The following PHLDB3 variants were observed in gnomAD, a reference collection of about 807,000 sequenced individuals.
PHLDB3 encodes pleckstrin homology like domain family B member 3, also known as pleckstrin homology-like domain family B member 3.
In PHLDB3, 86 loss-of-function variants were observed where a neutral mutation model predicts 85.7. The observed-to-expected ratio is 1.00, with a 90% confidence interval of 0.84 to 1.20. PHLDB3 has a LOEUF of 1.20. Ranked by LOEUF, PHLDB3 falls within the 50% of genes most tolerant of loss-of-function variation. The probability of loss-of-function intolerance (pLI) is 0.00; values close to 1 mark genes in which losing one functional copy is unlikely to be tolerated. For missense variants in PHLDB3, 995 were observed against 873.0 expected, an observed-to-expected ratio of 1.14 and a Z score of -1.76; for synonymous variants, 376 against 349.8, an observed-to-expected ratio of 1.07 and a Z score of -0.83.
At chr19:43,502,350 T>G (rs1971629199) in intron 2 of PHLDB3, 67 bp from the exon 3 acceptor site, 90 of 1,456,778 alleles carry the variant, frequency 6.2e-5, no homozygotes, top group Non-Finnish European at 8.3e-5. Context: ...GTAGGTCTGG[T>G]CCCCACCCAA....
rs563015561 is a variant in PHLDB3 at position 43,497,792 on chromosome 19, G to C, written c.619C>G (p.Gln207Glu). ...AGCCGCTCGCGTTGGTCCTCTGGCT[G>C]TGAGTCGAGCTGTCCCTGGGCCTTG... ...LRKAQGQLDS[Q>E]PEDQRERLLQ... Residue 207 changes from glutamine (Q) to glutamate (E), a missense_variant, in exon 5 of 16, where the codon CAG becomes GAG. Physicochemically the swap from Gln to Glu is conservative, Grantham distance 29. Transcript: ENST00000292140. 3 of 1,556,494 alleles carry C rather than the reference G, an allele frequency of 1.9e-6. No homozygotes were observed. In the African/African-American group the frequency reaches 4.1e-5, roughly 21 times the overall value.
rs754173693 is a variant in PHLDB3, at chr19:43,494,659, A to G, written c.1149+43T>C. The G allele has an allele frequency of 3.4e-6, 5 of 1,476,714 alleles. No individual in the cohort carries two copies. In the East Asian group the frequency reaches 9.4e-5, roughly 28 times the overall value. 91.5% of individuals were successfully genotyped at this position (1,476,714 alleles called of 1,614,324 possible). Reference sequence around the variant, plus strand: ...GCTGTTAGCCCCTCCCTCCTCACTGACCAATAAGATATATGGGGAAACAGA... The same window carrying G: ...GCTGTTAGCCCCTCCCTCCTCACTGGCCAATAAGATATATGGGGAAACAGA... On this transcript the variant is annotated intron_variant, in intron 9 of 15. Transcript: ENST00000292140.
At chr19:43,486,723 G>A (rs370269365) in intron 11 of PHLDB3, 27 bp from the exon 12 acceptor site, 26 of 1,613,296 alleles carry the variant, frequency 1.6e-5, no homozygotes, top group Non-Finnish European at 2.1e-5. Context: ...CAGACGGGGT[G>A]GGTTACAGTG....
chr19:43,488,328 G>A (rs922180408), intron 9 of PHLDB3, among the ~76,000 whole-genome samples: 14 of 151,982 alleles, frequency 9.2e-5, no homozygotes, highest in South Asian at 4.1e-4. Context: ...ATAGTGGCAC[G>A]TGCCTGCAGT....
At position 43,497,799 on chromosome 19, in the gene PHLDB3, G is replaced by C; in HGVS notation, c.612C>G (p.Leu204=). ...RQRLRKAQGQ[L]DSQPEDQRER... ...CGCGTTGGTCCTCTGGCTGTGAGTCGAGCTGTCCCTGGGCCTTGCGGAGTC... is the reference window on the plus strand; with the variant it reads ...CGCGTTGGTCCTCTGGCTGTGAGTCCAGCTGTCCCTGGGCCTTGCGGAGTC... Residue 204 remains leucine (L), a synonymous_variant, in exon 5 of 16, where the codon CTC becomes CTG. Coordinates refer to ENST00000292140, the MANE Select transcript of PHLDB3 (RefSeq NM_198850.4). 1 of 1,558,584 alleles carries C rather than the reference G, an allele frequency of 6.4e-7. No individual in the cohort carries two copies. The highest frequency in any genetic ancestry group is 8.7e-7 in the Non-Finnish European group (1 of 1,151,158).
Position 43,483,163 on chromosome 19 carries a change from C to T in PHLDB3, c.1485+3103G>A, listed in dbSNP as rs534547410. ...TGTGCTTATTTATGAGACAAATTCACAAAATATGGCTTGACTGGTGCATGT... is the reference window on the plus strand; with the variant it reads ...TGTGCTTATTTATGAGACAAATTCATAAAATATGGCTTGACTGGTGCATGT... On this transcript the variant is annotated intron_variant, in intron 13 of 15. Transcript: ENST00000292140. Among the ~76,000 whole-genome samples the T allele has an allele frequency of 2.0e-5, 3 of 152,194 alleles. 1 individual carries two copies. The South Asian group carries it at 6.2e-4, about 32-fold the overall frequency.
chr19:43,501,845 C>G lies in PHLDB3; in HGVS notation c.423G>C (p.Arg141=). ...CCACTCGCTCCCCAGCCAGCTCACC[C>G]CGCAGCAAGGCCACCTCCACCTCCA... ...IEMEVEVALL[R]GELAGERVAA... The change falls in exon 4 of 16, where the codon CGG becomes CGC. Residue 141 remains arginine, a synonymous_variant. Transcript: ENST00000292140. The G allele has an allele frequency of 6.3e-7, 1 of 1,592,406 alleles. No homozygotes were observed. The highest frequency in any genetic ancestry group is 8.5e-7 in the Non-Finnish European group (1 of 1,170,048).
chr19:43,497,784 C>T lies in PHLDB3; in HGVS notation c.627G>A (p.Glu209=). The T allele has an allele frequency of 6.4e-7, 1 of 1,555,170 alleles. No homozygotes were observed. Among genetic ancestry groups the T allele is most frequent in the South Asian group, 1.2e-5 (1 of 84,288 alleles). Residue 209 remains glutamate, a synonymous_variant, in exon 5 of 16, where the codon GAG becomes GAA. Coordinates refer to ENST00000292140, the MANE Select transcript of PHLDB3 (RefSeq NM_198850.4). The part of the protein sequence containing the change: ...KAQGQLDSQP[E]DQRERLLQGV... ...CCTGCAGAAGCCGCTCGCGTTGGTCCTCTGGCTGTGAGTCGAGCTGTCCCT... is the reference window on the plus strand; with the variant it reads ...CCTGCAGAAGCCGCTCGCGTTGGTCTTCTGGCTGTGAGTCGAGCTGTCCCT...
At chr19:43,504,372 C>G (rs1478325054) in intron 1 of PHLDB3, 5 of 568,518 alleles carry the variant, frequency 8.8e-6, no homozygotes, top group Non-Finnish European at 1.5e-5. Flanking sequence ...TAGCACGCCC[C>G]CTACTGACCT....
At chr19:43,501,968 A>C in intron 3 of PHLDB3, 97 bp from the exon 4 acceptor site, 1 of 1,485,172 alleles carries the variant, frequency 6.7e-7, no homozygotes, top group East Asian at 2.5e-5. Context: ...GATGGACTCC[A>C]GGGACCTGAA....
At chr19:43,501,410 C>G in intron 4 of PHLDB3, 2 of 341,668 alleles carry the variant, frequency 5.9e-6, no homozygotes, top group Non-Finnish European at 1.1e-5. Flanking sequence ...GTCTCAAACT[C>G]CTGAGCTCAG....
chr19:43,495,563 C>G lies in PHLDB3; in HGVS notation c.883G>C (p.Glu295Gln). 6.2e-7 allele frequency: 1 copy of G among 1,610,224 alleles called. No homozygotes were observed. The highest frequency in any genetic ancestry group is 8.5e-7 in the Non-Finnish European group (1 of 1,178,388). ...VLEEQLKSLGEQMAAESRGLS... is the reference protein window; with the variant it reads ...VLEEQLKSLGQQMAAESRGLS... ...CCCCGGCTCTCGGCTGCCATCTGCT[C>G]CCCCAGTGACTTGAGCTGCTCTTCC... The change falls in exon 7 of 16, where the codon GAG becomes CAG. Residue 295 changes from glutamate (E) to glutamine (Q), a missense_variant. By Grantham distance (29) the Glu-to-Gln change is conservative. Coordinates refer to ENST00000292140, the MANE Select transcript of PHLDB3 (RefSeq NM_198850.4).
chr19:43,481,215 C>G (rs1971038806), intron 13 of PHLDB3, among the ~76,000 whole-genome samples: 1 of 152,126 alleles, frequency 6.6e-6, no homozygotes, highest in Admixed American at 6.5e-5. Context: ...GGTGCGGTGG[C>G]TCACACGTGT....
rs756497243 is a variant in PHLDB3, at chr19:43,503,943, ACTT to A, written c.173_175del (p.Glu58del). On this transcript the variant is annotated inframe_deletion, in exon 2 of 16. Coordinates refer to ENST00000292140, the MANE Select transcript of PHLDB3 (RefSeq NM_198850.4). ...GCTCTCAGTGCTGCTGCCTTCTCCC[ACTT>A]CTTCTTCCTCTGCCTGCTGCTCAGC... 271 of 1,613,112 alleles carry A rather than the reference ACTT, an allele frequency of 1.7e-4. 1 individual carries two copies. Among genetic ancestry groups the A allele is most frequent in the South Asian group, 6.7e-4 (61 of 91,044 alleles).
Position 43,502,126 on chromosome 19 carries a change from C to T in PHLDB3, c.371G>A (p.Arg124His), listed in dbSNP as rs751407231. The T allele has an allele frequency of 1.9e-6, 3 of 1,578,040 alleles. No homozygotes were observed. The highest frequency in any genetic ancestry group is 2.6e-6 in the Non-Finnish European group (3 of 1,162,618). Residue 124 changes from arginine (R) to histidine (H), a missense_variant, in exon 3 of 16, where the codon CGC (arginine) becomes CAC (histidine). Physicochemically the swap from Arg to His is conservative, Grantham distance 29. Transcript: ENST00000292140. ...CTCGATCCTCAGCTCCTTCCTCTGG[C>T]GCTGTAGCTCCTTCACTCGCTGCTC... ...LMEQRVKELQ[R>H]QRKELRIEME...
chr19:43,491,184 C>T (rs1047765732), intron 9 of PHLDB3, among the ~76,000 whole-genome samples: 34 of 152,308 alleles, frequency 2.2e-4, no homozygotes, highest in African/African-American at 7.2e-4. Flanking sequence ...TCCTAAGTCA[C>T]GTTGCCTGGC....
At position 43,475,271 on chromosome 19, in the gene PHLDB3, T is replaced by C. The variant is rs1970897992; in HGVS notation, c.*139A>G. The stretch of plus-strand genomic sequence containing the variant: ...ACGCAGCAGCTCAGGCCAGCTGAAC[T>C]GCCGCGCCTGCGGAATTCCCGGGAG... On this transcript the variant is annotated 3_prime_UTR_variant, in exon 16 of 16. Coordinates refer to ENST00000292140, the MANE Select transcript of PHLDB3 (RefSeq NM_198850.4). The C allele has an allele frequency of 4.0e-6, 5 of 1,238,416 alleles. No homozygotes were observed. Among genetic ancestry groups the C allele is most frequent in the Admixed American group, 5.6e-5 (2 of 36,028 alleles). 76.7% of individuals were successfully genotyped at this position (1,238,416 alleles called of 1,614,324 possible).
At position 43,504,087 on chromosome 19, in the gene PHLDB3, G is replaced by A. The variant is rs1971689998; in HGVS notation, c.32C>T (p.Thr11Ile). The change falls in exon 2 of 16, where the codon ACC becomes ATC. Residue 11 changes from threonine (T) to isoleucine (I), a missense_variant. Transcript: ENST00000292140. ...GCATTCCGGGACCAGCGGCGGCGGG[G>A]TCCCCTCCTCGGGGCTGCTTCGCGT... MGTRSSPEEGTPPPLVPECDV... is the reference protein window; with the variant it reads MGTRSSPEEGIPPPLVPECDV... The A allele has an allele frequency of 1.2e-6, 2 of 1,610,496 alleles. No individual in the cohort carries two copies. The highest frequency in any genetic ancestry group is 2.2e-5 in the East Asian group (1 of 44,728).
At chr19:43,494,882 T>A in intron 8 of PHLDB3, 67 bp from the exon 9 acceptor site, 1 of 1,223,672 alleles carries the variant, frequency 8.2e-7, no homozygotes. Flanking sequence ...AGTTTCCACG[T>A]GCTCTGGCCC....
Sources: gnomAD v4.1 joint callset for allele counts (sites outside exome capture counted in the v4.1 genomes callset) on GRCh38, gnomAD v4.1.1 for gene constraint, MANE v1.5 for transcripts, NCBI Gene and HGNC (gene_info 2026-07-23, HGNC 2026-07-21) for gene names.